The following C12orf42 variants were observed in gnomAD, a reference collection of about 807,000 sequenced individuals.
C12orf42 encodes the protein uncharacterized protein C12orf42.
Under a neutral mutation model 21.6 loss-of-function variants are expected in C12orf42, and 25 were observed. The observed-to-expected ratio is 1.16, with a 90% CI of 0.84 to 1.62. C12orf42 has a LOEUF of 1.62. Among genes scored for constraint, C12orf42 ranks in the 40% most tolerant of loss-of-function variants. The probability of loss-of-function intolerance (pLI) is 0.00; values close to 1 mark genes in which losing one functional copy is unlikely to be tolerated. For synonymous variants in C12orf42, 174 were observed against 175.0 expected, an observed-to-expected ratio of 0.99 and a Z score of 0.05; for missense variants, 483 against 459.3, an observed-to-expected ratio of 1.05 and a Z score of -0.47.
intron 2 of C12orf42, chr12:103,477,786 C>G (rs1954168720): frequency 6.6e-6 from 1 of 152,468 alleles, no homozygotes; most frequent in Non-Finnish European, 1.5e-5. Flanking sequence ...TAGATTTTAA[C>G]CCAGTGAGCC....
the C12orf42 span, among the ~76,000 whole-genome samples, chr12:103,522,916 G>A: frequency 6.6e-6 from 1 of 152,188 alleles, no homozygotes; most frequent in Admixed American, 6.5e-5. Flanking sequence ...AGACTCAACA[G>A]GTCAGCCTGG....
At chr12:103,112,485 C>T in the C12orf42 span, among the ~76,000 whole-genome samples, 4 of 151,954 alleles carry the variant, frequency 2.6e-5, no homozygotes, top group Admixed American at 2.6e-4. Flanking sequence ...CAGAGTGAAA[C>T]CCTGTGTCTA....
At chr12:103,441,827 G>A (rs1433355456) in intron 2 of C12orf42, among the ~76,000 whole-genome samples, 1 of 152,118 alleles carries the variant, frequency 6.6e-6, no homozygotes, top group Non-Finnish European at 1.5e-5. Flanking sequence ...AATCATTAAA[G>A]ACAAATTATT....
At chr12:103,294,327 A>G (rs1379761821) in intron 4 of C12orf42, among the ~76,000 whole-genome samples, 1 of 150,900 alleles carries the variant, frequency 6.6e-6, no homozygotes, top group Non-Finnish European at 1.5e-5. Context: ...AGTATGGAAG[A>G]AGCAGTAGTG....
intron 2 of C12orf42, among the ~76,000 whole-genome samples, chr12:103,472,803 A>G (rs1953733685): frequency 6.6e-6 from 1 of 152,248 alleles, no homozygotes. Context: ...TGGAACACAC[A>G]TTCAGAGAGA....
intron 4 of C12orf42, among the ~76,000 whole-genome samples, chr12:103,338,298 A>G (rs1289765309): frequency 6.6e-6 from 1 of 152,226 alleles, no homozygotes; most frequent in East Asian, 1.9e-4. Context: ...CTGTACAAAG[A>G]AGGACCACAG....
At chr12:103,449,022 T>C (rs1258366943) in intron 2 of C12orf42, among the ~76,000 whole-genome samples, 1 of 151,878 alleles carries the variant, frequency 6.6e-6, no homozygotes, top group East Asian at 1.9e-4. Context: ...CAATTTGCAA[T>C]TGCAAAAATA....
upstream of C12orf42, among the ~76,000 whole-genome samples, chr12:103,496,635 G>C (rs751086184): frequency 2.0e-5 from 3 of 152,100 alleles, no homozygotes; most frequent in Non-Finnish European, 4.4e-5. Flanking sequence ...GAACCAAAGA[G>C]TTGTTAAGTC....
At chr12:103,061,826 A>G in the C12orf42 span, among the ~76,000 whole-genome samples, 1 of 151,890 alleles carries the variant, frequency 6.6e-6, no homozygotes, top group East Asian at 1.9e-4. Flanking sequence ...TGAGGCATTT[A>G]GTACACATAT....
At position 103,263,026 on chromosome 12, in the gene C12orf42, A is replaced by G. The variant is rs113857902; in HGVS notation, c.*1366+300T>C. Among the ~76,000 whole-genome samples, 859 of 152,320 alleles carry G rather than the reference A, an allele frequency of 5.6e-3. 12 individuals carry two copies. The highest frequency in any genetic ancestry group is 0.02 in the African/African-American group (817 of 41,574). On this transcript the variant is annotated intron_variant and NMD_transcript_variant, in intron 10 of 10. Coordinates refer to the C12orf42 transcript ENST00000547347. The stretch of plus-strand genomic sequence containing the variant: ...AGGGATACGGATGAAGCTGGAAACC[A>G]TCATTCTCAGCAAGATATCACAAGG...
At chr12:103,249,348 A>C (rs962014120) in intron 10 of C12orf42, among the ~76,000 whole-genome samples, 4 of 152,146 alleles carry the variant, frequency 2.6e-5, no homozygotes, top group Non-Finnish European at 5.9e-5. Context: ...ATTTTTATAC[A>C]TATGAATAAC....
At chr12:103,381,212 G>T (rs2046140474) in intron 3 of C12orf42, among the ~76,000 whole-genome samples, 1 of 152,144 alleles carries the variant, frequency 6.6e-6, no homozygotes, top group Non-Finnish European at 1.5e-5. Context: ...TAGTCAAACA[G>T]GAACAATGTT....
the C12orf42 span, among the ~76,000 whole-genome samples, chr12:103,227,274 G>A: frequency 2.6e-5 from 4 of 152,088 alleles, no homozygotes; most frequent in African/African-American, 7.2e-5. Flanking sequence ...TAAGAGGTCG[G>A]GGCGTGGAAA....
chr12:103,451,111 G>C (rs1167935295), intron 2 of C12orf42, among the ~76,000 whole-genome samples: 2 of 152,060 alleles, frequency 1.3e-5, no homozygotes, highest in African/African-American at 4.8e-5. Flanking sequence ...TCAACAAATA[G>C]TTGAGCACAA....
At chr12:103,278,338 T>TA (rs1450970874) in intron 4 of C12orf42, among the ~76,000 whole-genome samples, 1 of 152,160 alleles carries the variant, frequency 6.6e-6, no homozygotes, top group African/African-American at 2.4e-5. Flanking sequence ...AAATACACTT[T>TA]AAAAATCATC....
chr12:103,122,352 A>G, the C12orf42 span, among the ~76,000 whole-genome samples: 4 of 152,232 alleles, frequency 2.6e-5, no homozygotes, highest in Non-Finnish European at 5.9e-5. Flanking sequence ...GGCTTTCTGC[A>G]TGGGCAATTT....
the C12orf42 span, among the ~76,000 whole-genome samples, chr12:103,131,743 G>A: frequency 2.0e-5 from 3 of 152,172 alleles, no homozygotes; most frequent in Admixed American, 2.0e-4. Flanking sequence ...AGTGGTGGCA[G>A]TAATATTGTT....
chr12:103,480,113 T>A (rs1364058395), intron 1 of C12orf42, among the ~76,000 whole-genome samples: 1 of 151,954 alleles, frequency 6.6e-6, no homozygotes, highest in African/African-American at 2.4e-5. Context: ...TCAATTTATT[T>A]AATGATTATA....
chr12:103,547,724 T>A, the C12orf42 span: 1 of 152,178 alleles, frequency 6.6e-6, no homozygotes, highest in Non-Finnish European at 1.5e-5. Context: ...ACTCTCCAAT[T>A]TCAGTGTGGA....
Sources: gnomAD v4.1 joint callset for allele counts (sites outside exome capture counted in the v4.1 genomes callset) on GRCh38, gnomAD v4.1.1 for gene constraint, MANE v1.5 for transcripts, NCBI Gene and HGNC (gene_info 2026-07-23, HGNC 2026-07-21) for gene names.